LEKR1: variants seen among roughly 807,000 people sequenced by gnomAD.
LEKR1 encodes the protein protein LEKR1.
A neutral mutation model predicts 72.4 loss-of-function variants in LEKR1; 59 were observed. The observed-to-expected ratio is 0.82, with a 90% confidence interval of 0.66 to 1.01. The LOEUF (loss-of-function observed/expected upper bound fraction) is 1.01. Among genes scored for constraint, LEKR1 ranks in the 50% least tolerant of loss-of-function variants. The pLI, the probability that LEKR1 is intolerant of heterozygous loss-of-function variation, is 0.00. For synonymous variants in LEKR1, 257 were observed against 263.2 expected, an observed-to-expected ratio of 0.98 and a Z score of 0.23; for missense variants, 728 against 759.2, an observed-to-expected ratio of 0.96 and a Z score of 0.48.
intron 2 of LEKR1, among the ~76,000 whole-genome samples, chr3:156,834,119 C>T (rs994040941): frequency 6.6e-6 from 1 of 152,006 alleles, no homozygotes; most frequent in African/African-American, 2.4e-5. Context: ...TAAACATCCC[C>T]CCATAACTTT....
At chr3:157,022,195 G>A (rs1168636988) in intron 10 of LEKR1, among the ~76,000 whole-genome samples, 2 of 152,136 alleles carry the variant, frequency 1.3e-5, no homozygotes, top group African/African-American at 2.4e-5. Context: ...AGGATGGGGT[G>A]CTTTGTCAGT....
chr3:156,919,536 G>C (rs1359195011), intron 3 of LEKR1, among the ~76,000 whole-genome samples: 1 of 152,072 alleles, frequency 6.6e-6, no homozygotes, highest in African/African-American at 2.4e-5. Flanking sequence ...GAAATTTCTA[G>C]TATTTCCTGT....
At chr3:156,924,920 A>G (rs894483947) in intron 4 of LEKR1, 1 of 155,726 alleles carries the variant, frequency 6.4e-6, no homozygotes, top group Non-Finnish European at 1.4e-5. Context: ...TGTTTTTGCT[A>G]TTCTGCGCCC....
At chr3:156,894,345 G>A (rs906447587) in intron 3 of LEKR1, among the ~76,000 whole-genome samples, 39 of 152,086 alleles carry the variant, frequency 2.6e-4, no homozygotes, top group African/African-American at 7.2e-4. Flanking sequence ...ATAAAGCATT[G>A]CTCTTCAAGG....
At chr3:156,897,114 G>C (rs1721271606) in intron 3 of LEKR1, among the ~76,000 whole-genome samples, 1 of 152,100 alleles carries the variant, frequency 6.6e-6, no homozygotes, top group African/African-American at 2.4e-5. Context: ...TTATTACCTG[G>C]TTGATGAAAT....
At chr3:156,882,794 C>T (rs1237358993) in intron 3 of LEKR1, among the ~76,000 whole-genome samples, 12 of 152,038 alleles carry the variant, frequency 7.9e-5, no homozygotes, top group Non-Finnish European at 1.6e-4. Flanking sequence ...AAATGTGGCA[C>T]ATATACACCA....
chr3:156,966,503 T>C (rs1001192311), intron 6 of LEKR1, among the ~76,000 whole-genome samples: 35 of 152,002 alleles, frequency 2.3e-4, no homozygotes, highest in African/African-American at 8.5e-4. Flanking sequence ...GCGTGGAGGG[T>C]CCTGCGCCCA....
At chr3:156,928,695 C>T (rs1724949295) in intron 5 of LEKR1, among the ~76,000 whole-genome samples, 2 of 152,002 alleles carry the variant, frequency 1.3e-5, no homozygotes, top group Non-Finnish European at 2.9e-5. Flanking sequence ...TGCATATAAA[C>T]TCTTTCCAAA....
intron 6 of LEKR1, among the ~76,000 whole-genome samples, chr3:156,972,380 T>C (rs1324218390): frequency 3.3e-5 from 5 of 151,982 alleles, no homozygotes; most frequent in African/African-American, 9.7e-5. Context: ...CATTAGGAGA[T>C]ATACCTAATG....
intron 10 of LEKR1, among the ~76,000 whole-genome samples, chr3:157,017,129 C>CA (rs1349094929): frequency 6.6e-6 from 1 of 152,154 alleles, no homozygotes; most frequent in Non-Finnish European, 1.5e-5. Flanking sequence ...TTTTGTATGA[C>CA]ATACAGTCTC....
chr3:157,002,856 T>C (rs1732118365), intron 9 of LEKR1, among the ~76,000 whole-genome samples: 1 of 152,200 alleles, frequency 6.6e-6, no homozygotes, highest in Non-Finnish European at 1.5e-5. Context: ...TTAGCTGCTA[T>C]AATCTACTAG....
At chr3:156,978,853 G>C (rs955977377) in intron 6 of LEKR1, among the ~76,000 whole-genome samples, 1 of 152,138 alleles carries the variant, frequency 6.6e-6, no homozygotes, top group Non-Finnish European at 1.5e-5. Context: ...TTAGAAACAA[G>C]ACACGTGATC....
intron 3 of LEKR1, among the ~76,000 whole-genome samples, chr3:156,903,016 G>GT (rs140566525): frequency 3.9e-5 from 6 of 151,922 alleles, no homozygotes; most frequent in Admixed American, 3.9e-4. Flanking sequence ...ATTACTCTGA[G>GT]TTTTTTTGCT....
intron 3 of LEKR1, among the ~76,000 whole-genome samples, chr3:156,913,599 A>C (rs79209862): frequency 0.025 from 3,773 of 152,274 alleles, 145 homozygotes; most frequent in East Asian, 0.16. Flanking sequence ...GTAGCTAAGG[A>C]TAGAGAGTGG....
intron 10 of LEKR1, 73 bp downstream of exon 10, chr3:157,011,579 C>T: frequency 1.0e-6 from 1 of 999,552 alleles, no homozygotes; most frequent in Non-Finnish European, 1.6e-6. Context: ...TGTCAGAAGA[C>T]TCTTCCGGAT....
chr3:156,889,883 C>G (rs1334826175), intron 3 of LEKR1, among the ~76,000 whole-genome samples: 1 of 152,120 alleles, frequency 6.6e-6, no homozygotes, highest in Non-Finnish European at 1.5e-5. Flanking sequence ...AAAATCAGAG[C>G]AAAGGATAGT....
rs552824679 is a variant in LEKR1 at position 156,889,629 on chromosome 3, T to TA, written c.264-30938dup. On this transcript the variant is annotated intron_variant, in intron 3 of 12. Coordinates refer to ENST00000356539, the MANE Select transcript of LEKR1 (RefSeq NM_001004316.3). ...CCCCTGGGTTTTGTAAGAAGAGACT[T>TA]AAAAAAAACATATATTTGGGAATAT... Among the ~76,000 whole-genome samples, 18 of 152,142 alleles carry TA rather than the reference T, an allele frequency of 1.2e-4. No homozygotes were observed. The East Asian group carries it at 1.5e-3, about 13-fold the overall frequency.
intron 7 of LEKR1, among the ~76,000 whole-genome samples, chr3:156,990,875 T>G (rs1272204941): frequency 6.6e-6 from 1 of 152,160 alleles, no homozygotes; most frequent in East Asian, 1.9e-4. Context: ...GTTCCTCTAA[T>G]AGGGAATGGT....
intron 3 of LEKR1, among the ~76,000 whole-genome samples, chr3:156,913,568 C>T (rs1723314942): frequency 6.6e-6 from 1 of 152,112 alleles, no homozygotes. Context: ...TGTTGTATCT[C>T]TGATCTCAGT....
Sources: gnomAD v4.1 joint callset for allele counts (sites outside exome capture counted in the v4.1 genomes callset) on GRCh38, gnomAD v4.1.1 for gene constraint, MANE v1.5 for transcripts, NCBI Gene and HGNC (gene_info 2026-07-23, HGNC 2026-07-21) for gene names.